SIRT2: variants seen among roughly 807,000 people sequenced by gnomAD.
The protein encoded by SIRT2 is sirtuin 2.
Under a neutral mutation model 57.4 loss-of-function variants are expected in SIRT2, and 40 were observed. The ratio of observed to expected loss-of-function variants is 0.70; its 90% CI spans 0.54 to 0.91. The LOEUF is 0.91. SIRT2 is among the 40% of genes least tolerant of loss of function. The pLI, the probability that SIRT2 is intolerant of heterozygous loss-of-function variation, is 0.00. For synonymous variants in SIRT2, 161 were observed against 195.7 expected (o/e 0.82, Z 1.48); for missense variants, 439 against 510.4 (o/e 0.86, Z 1.35).
rs773864674 is a variant in SIRT2, at chr19:38,890,141, C to T, written c.230G>A (p.Arg77His). The T allele has an allele frequency of 1.2e-5, 19 of 1,614,156 alleles. No homozygotes were observed. The highest frequency in any genetic ancestry group is 2.7e-5 in the African/African-American group (2 of 75,034). The change falls in exon 5 of 16, where the codon CGC (arginine) becomes CAC (histidine). Residue 77 changes from arginine to histidine, a missense_variant. By Grantham distance (29) the Arg-to-His change is conservative. Transcript: ENST00000249396. ...AGCTCCCACCAAACAGATGACTCTGCGACCTGGAGGAGAGGAACTTATGCA... is the reference window on the plus strand; with the variant it reads ...AGCTCCCACCAAACAGATGACTCTGTGACCTGGAGGAGAGGAACTTATGCA... The part of the protein sequence containing the change: ...VARYMQSERC[R>H]RVICLVGAGI...
chr19:38,885,763 G>GT (rs1308589408), intron 8 of SIRT2, among the ~76,000 whole-genome samples: 2 of 151,916 alleles, frequency 1.3e-5, no homozygotes, highest in African/African-American at 4.8e-5. Flanking sequence ...GCTAATTTTT[G>GT]TATTTTTAGT....
chr19:38,885,422 T>C (rs577275558), intron 8 of SIRT2, among the ~76,000 whole-genome samples: 1 of 150,512 alleles, frequency 6.6e-6, no homozygotes, highest in African/African-American at 2.4e-5. Context: ...TCTTTTCTTT[T>C]CTTTTCTTTT....
intron 4 of SIRT2, 131 bp from the exon 5 acceptor site, chr19:38,890,275 G>T: frequency 1.2e-6 from 1 of 830,428 alleles, no homozygotes; most frequent in Non-Finnish European, 2.0e-6. Flanking sequence ...TGCATGACGG[G>T]CCTTCCAATC....
intron 8 of SIRT2, among the ~76,000 whole-genome samples, chr19:38,887,868 T>C (rs1020367035): frequency 6.6e-6 from 1 of 152,134 alleles, no homozygotes; most frequent in African/African-American, 2.4e-5. Context: ...CAAGCGATTC[T>C]CCTGCCTCAG....
rs762691576 is a variant in SIRT2, at chr19:38,879,158, C to T, written c.1167G>A (p.Gln389=). 6.4e-7 allele frequency: 1 copy of T among 1,569,226 alleles called. No homozygotes were observed. Among genetic ancestry groups the T allele is most frequent in the Non-Finnish European group, 8.6e-7 (1 of 1,164,296 alleles). Residue 389 remains glutamine (Q), a synonymous_variant, in exon 16 of 16, where the codon CAG becomes CAA. Coordinates refer to ENST00000249396, the MANE Select transcript of SIRT2 (RefSeq NM_012237.4). The stretch of plus-strand genomic sequence containing the variant: ...TCCCGCCTGGGAGATGCAGCTGTCA[C>T]TGGGGTTTCTCCCTCTCTGTTGTCC... The part of the protein sequence containing the change: ...EARTTEREKP[Q]
At position 38,891,391 on chromosome 19, in the gene SIRT2, G is replaced by A. The variant is rs11671348; in HGVS notation, c.227-1247C>T. Among the ~76,000 whole-genome samples, 110 of 152,030 alleles carry A rather than the reference G, an allele frequency of 7.2e-4. 1 individual carries two copies. Among genetic ancestry groups the A allele is most frequent in the Non-Finnish European group, 1.4e-3 (93 of 67,958 alleles). ...TGGTGAAACCCCGTCTCTACTAAAA[G>A]TACAAAAATTAGCCGGGCGTGGTGG... On this transcript the variant is annotated intron_variant, in intron 4 of 15. Coordinates refer to ENST00000249396, the MANE Select transcript of SIRT2 (RefSeq NM_012237.4).
chr19:38,883,544 G>A, intron 9 of SIRT2, 83 bp downstream of exon 9: 2 of 1,530,908 alleles, frequency 1.3e-6, no homozygotes, highest in African/African-American at 1.4e-5. Context: ...GAATTGAGCA[G>A]GACAGAATGG....
chr19:38,883,075 G>GTTTTTTTT (rs61706756), intron 9 of SIRT2, among the ~76,000 whole-genome samples: 6 of 110,386 alleles, frequency 5.4e-5, no homozygotes, highest in Non-Finnish European at 1.1e-4. Context: ...GTGACTTCTT[G>GTTTTTTTT]TTTTTTTTTT....
intron 7 of SIRT2, 150 bp downstream of exon 7, chr19:38,889,539 G>A: frequency 1.2e-6 from 1 of 830,116 alleles, no homozygotes; most frequent in South Asian, 1.6e-5. Flanking sequence ...GAAGACACGA[G>A]GAACCAGGAC....
chr19:38,899,218 G>C (rs1033405271), intron 1 of SIRT2, among the ~76,000 whole-genome samples: 3 of 152,090 alleles, frequency 2.0e-5, no homozygotes, highest in African/African-American at 7.2e-5. Context: ...AGCGGGACCG[G>C]GGCAACTTAT....
intron 2 of SIRT2, among the ~76,000 whole-genome samples, chr19:38,897,279 T>C (rs10405150): frequency 0.24 from 37,064 of 152,104 alleles, 9,545 homozygotes; most frequent in African/African-American, 0.66. Context: ...CACCCAATTA[T>C]GGAACACATC....
At chr19:38,890,167 C>G (rs201021317) in intron 4 of SIRT2, 23 bp from the exon 5 acceptor site, 79 of 1,613,762 alleles carry the variant, frequency 4.9e-5, no homozygotes, top group Admixed American at 1.2e-4. Flanking sequence ...AACTTATGCA[C>G]CATATGACAC....
rs201596027 is a variant in SIRT2, at chr19:38,879,237, G to C, written c.1088C>G (p.Pro363Arg). ...DAQSGAGVPN[P>R]STSASPKKSP... ...CTTCTTGGGGGAAGCTGAAGTGCTG[G>C]GGTTGGGGACCCCCGCCCCCGACTG... The change falls in exon 16 of 16, where the codon CCC becomes CGC. Residue 363 changes from proline to arginine, a missense_variant. Physicochemically the swap from Pro to Arg is moderately radical, Grantham distance 103. Transcript: ENST00000249396. 3 of 1,602,854 alleles carry C rather than the reference G, an allele frequency of 1.9e-6. No homozygotes were observed. Among genetic ancestry groups the C allele is most frequent in the Admixed American group, 1.8e-5 (1 of 55,244 alleles).
chr19:38,896,395 TAA>T (rs1568407509), intron 2 of SIRT2, among the ~76,000 whole-genome samples: 1 of 152,192 alleles, frequency 6.6e-6, no homozygotes, highest in Non-Finnish European at 1.5e-5. Context: ...AATAATTTTT[TAA>T]AAAAGAGACG....
intron 9 of SIRT2, 56 bp from the exon 10 acceptor site, chr19:38,881,547 C>G (rs1973155898): frequency 6.8e-7 from 1 of 1,475,726 alleles, no homozygotes; most frequent in African/African-American, 1.4e-5. Context: ...GGGCCGGAGT[C>G]TGGAGGTGCA....
intron 7 of SIRT2, chr19:38,889,423 C>T (rs1363212527): frequency 4.4e-6 from 3 of 677,250 alleles, no homozygotes; most frequent in Middle Eastern, 2.5e-4. Context: ...GGGTCCCGGG[C>T]TCTCAACGGC....
intron 3 of SIRT2, 63 bp from the exon 4 acceptor site, chr19:38,893,590 G>C (rs145562881): frequency 9.2e-6 from 12 of 1,301,384 alleles, no homozygotes; most frequent in African/African-American, 1.5e-5. Flanking sequence ...GGATGTCTCC[G>C]GCACCCTGGC....
At chr19:38,890,043 G>A in intron 5 of SIRT2, 60 bp downstream of exon 5, 1 of 1,611,678 alleles carries the variant, frequency 6.2e-7, no homozygotes, top group Non-Finnish European at 8.5e-7. Context: ...CTCCTCCCCA[G>A]CCCTTGGGAG....
At chr19:38,890,181 T>G (rs763095901) in intron 4 of SIRT2, 37 bp from the exon 5 acceptor site, 3 of 1,611,792 alleles carry the variant, frequency 1.9e-6, no homozygotes, top group Non-Finnish European at 2.5e-6. Flanking sequence ...ATGACACCGT[T>G]TGCTCAGTCC....
Sources: allele counts gnomAD v4.1 joint callset (sites outside exome capture counted in the v4.1 genomes callset), GRCh38; gene constraint gnomAD v4.1.1; transcripts MANE v1.5; gene names NCBI Gene and HGNC (gene_info 2026-07-23, HGNC 2026-07-21).